BCLAF1: variants seen among roughly 807,000 people sequenced by gnomAD.
The protein encoded by BCLAF1 is BCL2 associated transcription factor 1, also known as bcl-2-associated transcription factor 1.
Under a neutral mutation model 99.5 loss-of-function variants are expected in BCLAF1, and 10 were observed. The ratio of observed to expected loss-of-function variants is 0.10; its 90% CI spans 0.06 to 0.17. The LOEUF (loss-of-function observed/expected upper bound fraction) is 0.17. Among genes scored for constraint, BCLAF1 ranks in the 10% least tolerant of loss-of-function variants. The probability of loss-of-function intolerance (pLI) is 1.00; values close to 1 mark genes in which losing one functional copy is unlikely to be tolerated. For missense variants in BCLAF1, 636 were observed against 1,105.8 expected (o/e 0.58, Z 6.02); for synonymous variants, 255 against 370.9 (o/e 0.69, Z 3.59).
intron 8 of BCLAF1, chr6:136,270,219 C>G (rs1782323856): frequency 6.6e-6 from 1 of 151,802 alleles, no homozygotes; most frequent in Non-Finnish European, 1.5e-5. Flanking sequence ...GAAACAAAGC[C>G]AGAAAGATAT....
intron 11 of BCLAF1, among the ~76,000 whole-genome samples, chr6:136,266,330 A>G (rs1193998255): frequency 6.6e-6 from 1 of 152,102 alleles, no homozygotes; most frequent in African/African-American, 2.4e-5. Flanking sequence ...AGCCATGACA[A>G]AAAAATGAAT....
At chr6:136,264,772 A>G (rs1294305657) in intron 11 of BCLAF1, among the ~76,000 whole-genome samples, 1 of 152,238 alleles carries the variant, frequency 6.6e-6, no homozygotes, top group Non-Finnish European at 1.5e-5. Flanking sequence ...TTATAAGGAA[A>G]AAGTGTGTAA....
chr6:136,273,917 C>T (rs949034917), intron 6 of BCLAF1: 3 of 1,070,322 alleles, frequency 2.8e-6, no homozygotes, highest in Admixed American at 3.9e-5. Flanking sequence ...CATTATGAAG[C>T]AAGCTATCTG....
chr6:136,278,994 AACAC>A lies in BCLAF1; in HGVS notation c.105-222_105-219del, dbSNP rs71006795. On this transcript the variant is annotated intron_variant, in intron 3 of 12. Transcript: ENST00000531224. ...AAAGACCTTACAAATGAAGGCACAA[AACAC>A]ACACACACACACACACACACACACA... Among the ~76,000 whole-genome samples the A allele has an allele frequency of 5.8e-3, 849 of 145,480 alleles. 3 individuals carry two copies. The highest frequency in any genetic ancestry group is 0.015 in the African/African-American group (577 of 39,142).
chr6:136,266,466 T>C (rs1584020017), intron 11 of BCLAF1, among the ~76,000 whole-genome samples: 1 of 152,194 alleles, frequency 6.6e-6, no homozygotes, highest in East Asian at 1.9e-4. Flanking sequence ...CTACCACCTC[T>C]AGCTTCATCC....
At chr6:136,279,664 A>G in intron 3 of BCLAF1, 99 bp downstream of exon 3, 1 of 1,186,330 alleles carries the variant, frequency 8.4e-7, no homozygotes, top group East Asian at 3.1e-5. Context: ...TTCTTTGAGA[A>G]TAAAATACAT....
chr6:136,273,315 T>C, intron 6 of BCLAF1, 128 bp from the exon 7 acceptor site: 1 of 784,246 alleles, frequency 1.3e-6, no homozygotes, highest in Non-Finnish European at 2.0e-6. Flanking sequence ...GAGAATCAAG[T>C]GTTACAAGGA....
At chr6:136,262,432 T>A (rs1322735648) in intron 11 of BCLAF1, among the ~76,000 whole-genome samples, 3 of 152,104 alleles carry the variant, frequency 2.0e-5, no homozygotes, top group South Asian at 4.1e-4. Flanking sequence ...CACTAAAACT[T>A]TTTTTTACGT....
intron 8 of BCLAF1, among the ~76,000 whole-genome samples, chr6:136,271,646 C>A (rs576040424): frequency 1.3e-5 from 2 of 151,986 alleles, no homozygotes; most frequent in East Asian, 3.9e-4. Context: ...ACACACAAAT[C>A]GAGAAATATT....
chr6:136,286,529 A>C (rs1320254024), intron 1 of BCLAF1, among the ~76,000 whole-genome samples: 1 of 152,262 alleles, frequency 6.6e-6, no homozygotes, highest in Non-Finnish European at 1.5e-5. Context: ...ACAATCTAGC[A>C]TTAGCCATCA....
At chr6:136,277,797 A>G (rs1783638628) in intron 4 of BCLAF1, 68 bp downstream of exon 4, 27 of 1,502,878 alleles carry the variant, frequency 1.8e-5, no homozygotes, top group South Asian at 6.7e-5. Flanking sequence ...TTTTACGTTT[A>G]TAATTCCAAA....
At chr6:136,270,494 A>T (rs932051191) in intron 8 of BCLAF1, 43 of 151,862 alleles carry the variant, frequency 2.8e-4, no homozygotes, top group Non-Finnish European at 1.5e-5. Flanking sequence ...TATAATATTC[A>T]TAAGCATTCA....
chr6:136,286,143 A>G (rs1378370868), intron 1 of BCLAF1, among the ~76,000 whole-genome samples: 2 of 152,206 alleles, frequency 1.3e-5, no homozygotes, highest in Non-Finnish European at 2.9e-5. Context: ...CAAAATACCC[A>G]AGACAAAGCC....
At position 136,279,520 on chromosome 6, in the gene BCLAF1, T is replaced by C. The variant is rs114526908; in HGVS notation, c.104+243A>G. The stretch of plus-strand genomic sequence containing the variant: ...ATACAAAGAAACCTACCATACATTA[T>C]ACAGTAAAATTTGAGACCTGGAGTC... On this transcript the variant is annotated intron_variant, in intron 3 of 12. Coordinates refer to ENST00000531224, the MANE Select transcript of BCLAF1 (RefSeq NM_014739.3). The C allele has an allele frequency of 3.1e-3, 825 of 265,482 alleles. 7 individuals are homozygous for C. The highest frequency in any genetic ancestry group is 0.017 in the African/African-American group (772 of 45,340). 16.4% of individuals were successfully genotyped at this position (265,482 alleles called of 1,614,324 possible).
Position 136,269,629 on chromosome 6 carries a change from T to A in BCLAF1, c.2044-17A>T, listed in dbSNP as rs753844153. ...TTTATCTCCCTATAAAAGACAGATA[T>A]AAAATACAGATTTCAGGGGAGAAAT... On this transcript the variant is annotated splice_polypyrimidine_tract_variant and intron_variant, in intron 8 of 12. Coordinates refer to ENST00000531224, the MANE Select transcript of BCLAF1 (RefSeq NM_014739.3). 7.7e-6 allele frequency: 12 copies of A among 1,557,682 alleles called. No homozygotes were observed. The highest frequency in any genetic ancestry group is 1.4e-5 in the African/African-American group (1 of 72,016).
rs1784027180 is a variant in BCLAF1, at chr6:136,271,625, TATTA to T, written c.2043+366_2043+369del. On this transcript the variant is annotated intron_variant, in intron 8 of 12. Coordinates refer to ENST00000531224, the MANE Select transcript of BCLAF1 (RefSeq NM_014739.3). ...TTGTTATCTGTGAAGAACCTAGAGA[TATTA>T]ATTTAGACACACAAATCGAGAAATA... 3.9e-5 allele frequency among the ~76,000 whole-genome samples: 6 copies of T among 152,042 alleles called. No individual in the cohort carries two copies. In the East Asian group the frequency reaches 7.7e-4, roughly 20 times the overall value.
At chr6:136,267,296 G>T in intron 10 of BCLAF1, 121 bp from the exon 11 acceptor site, 1 of 1,179,016 alleles carries the variant, frequency 8.5e-7, no homozygotes, top group Non-Finnish European at 1.2e-6. Context: ...AAATCTCATG[G>T]CCATTGAGGA....
chr6:136,257,259 T>C lies in BCLAF1; in HGVS notation c.*3851A>G, dbSNP rs1030067509. 4 of 152,200 alleles carry C rather than the reference T, an allele frequency of 2.6e-5. No homozygotes were observed. Among genetic ancestry groups the C allele is most frequent in the African/African-American group, 2.4e-5 (1 of 41,454 alleles). 9.4% of individuals were successfully genotyped at this position (152,200 alleles called of 1,614,324 possible). ...ACAGATTACAATTAAGACACATTATTTGAATGTTTCTAGTTGTGGTGGAAT... is the reference window on the plus strand; with the variant it reads ...ACAGATTACAATTAAGACACATTATCTGAATGTTTCTAGTTGTGGTGGAAT... On this transcript the variant is annotated 3_prime_UTR_variant, in exon 13 of 13. Coordinates refer to ENST00000531224, the MANE Select transcript of BCLAF1 (RefSeq NM_014739.3).
intron 1 of BCLAF1, among the ~76,000 whole-genome samples, chr6:136,283,982 T>C (rs1784726726): frequency 6.6e-6 from 1 of 151,602 alleles, no homozygotes; most frequent in Non-Finnish European, 1.5e-5. Flanking sequence ...TAAACTGGAG[T>C]ACTGTCATAA....
Sources: allele counts gnomAD v4.1 joint callset (sites outside exome capture counted in the v4.1 genomes callset), GRCh38; gene constraint gnomAD v4.1.1; transcripts MANE v1.5; gene names NCBI Gene and HGNC (gene_info 2026-07-23, HGNC 2026-07-21).